AFMID: variants seen among roughly 807,000 people sequenced by gnomAD.
AFMID encodes the protein kynurenine formamidase.
AFMID carries 39 observed loss-of-function variants against 47.5 expected under a neutral mutation model. The ratio of observed to expected loss-of-function variants is 0.82; its 90% CI spans 0.64 to 1.07. The LOEUF is 1.07. Among genes scored for constraint, AFMID ranks in the 50% least tolerant of loss-of-function variants. The pLI is 0.00. For synonymous variants in AFMID, 130 were observed against 153.2 expected (o/e 0.85, Z 1.12); for missense variants, 375 against 387.5 (o/e 0.97, Z 0.27).
chr17:78,202,102 G>A (rs1053910523), intron 2 of AFMID, among the ~76,000 whole-genome samples: 3 of 151,732 alleles, frequency 2.0e-5, no homozygotes, highest in Admixed American at 6.6e-5. Flanking sequence ...CTTTCAGCTG[G>A]AATGTTTCTA....
intron 2 of AFMID, among the ~76,000 whole-genome samples, chr17:78,198,457 A>T (rs1202088794): frequency 6.6e-6 from 1 of 151,578 alleles, no homozygotes; most frequent in Non-Finnish European, 1.5e-5. Context: ...AAAAAAAAAA[A>T]ATTAGCCATG....
chr17:78,206,234 G>A (rs2076377112), intron 10 of AFMID, among the ~76,000 whole-genome samples, 184 bp downstream of exon 10: 1 of 151,530 alleles, frequency 6.6e-6, no homozygotes. Context: ...AGCTACTCAG[G>A]AGGCTGAGGC....
rs72897838 is a variant in AFMID, at chr17:78,202,506, A to G, written c.162A>G (p.Thr54=). 0.086 allele frequency: 139,158 copies of G among 1,613,842 alleles called. 6,568 individuals carry two copies. Among genetic ancestry groups the G allele is most frequent in the Non-Finnish European group, 0.094 (110,785 of 1,179,828 alleles). ...TYSQIGIEAT[T]RARATRKSLL... is the part of the protein sequence containing the mutation. ...TGTCCATTTCTGAGACAGCCACCAC[A>G]AGGGCCCGGGCCACCAGGAAGAGCC... is the stretch of plus-strand genomic sequence containing the variant. The change falls in exon 3 of 11, where the codon ACA becomes ACG. Residue 54 remains threonine (T), a synonymous_variant. Coordinates refer to ENST00000409257, the MANE Select transcript of AFMID (RefSeq NM_001010982.5).
chr17:78,200,364 G>A (rs960699004), intron 2 of AFMID, among the ~76,000 whole-genome samples: 1 of 152,032 alleles, frequency 6.6e-6, no homozygotes, highest in Admixed American at 6.6e-5. Flanking sequence ...CATGTTGGCC[G>A]GGATGGTCTC....
intron 2 of AFMID, among the ~76,000 whole-genome samples, chr17:78,193,850 C>T (rs1442706112): frequency 6.6e-6 from 1 of 151,742 alleles, no homozygotes; most frequent in Non-Finnish European, 1.5e-5. Context: ...GGTGCGGGCA[C>T]CTGTAGTCCC....
chr17:78,192,442 G>A (rs1375011393), intron 2 of AFMID, among the ~76,000 whole-genome samples: 1 of 151,498 alleles, frequency 6.6e-6, no homozygotes, highest in Admixed American at 6.6e-5. Flanking sequence ...AGCCTCCTGA[G>A]TAGCTGGGAT....
At chr17:78,204,571 C>A (rs1257782667) in intron 4 of AFMID, 85 bp from the exon 5 acceptor site, 6 of 1,329,820 alleles carry the variant, frequency 4.5e-6, no homozygotes, top group Non-Finnish European at 1.1e-6. Flanking sequence ...GTGGACAGGA[C>A]ATCTGGCAAG....
chr17:78,192,542 G>A lies in AFMID; in HGVS notation c.154+1482G>A, dbSNP rs991764977. ...TTGGTTAGGCTGGTCTCAAACTCCC[G>A]ACCTCAGGTCATCCACCTGCCTCGG... On this transcript the variant is annotated intron_variant, in intron 2 of 10. Coordinates refer to ENST00000409257, the MANE Select transcript of AFMID (RefSeq NM_001010982.5). The A allele has an allele frequency of 1.3e-4, 57 of 449,730 alleles. 1 individual carries two copies. The highest frequency in any genetic ancestry group is 1.9e-4 in the Admixed American group (8 of 41,030). The allele number at this position is 449,730 out of a possible 1,614,324, so 27.9% of individuals were successfully genotyped here.
At position 78,207,376 on chromosome 17, in the gene AFMID, C is replaced by T. The variant is rs963505729; in HGVS notation, c.*439C>T. 6.9e-5 allele frequency: 11 copies of T among 159,030 alleles called. No individual in the cohort carries two copies. Among genetic ancestry groups the T allele is most frequent in the Non-Finnish European group, 1.2e-4 (9 of 76,144 alleles). The allele number at this position is 159,030 out of a possible 1,614,324, so 9.9% of individuals were successfully genotyped here. A position where few individuals can be genotyped will look rare whatever the true frequency, so the allele number is the denominator to read the frequency against. On this transcript the variant is annotated 3_prime_UTR_variant, in exon 11 of 11. Coordinates refer to ENST00000409257, the MANE Select transcript of AFMID (RefSeq NM_001010982.5). ...TTGGCTCACTGCAACCTCCACCTCC[C>T]GGGTTCAAGCAATTCTCCTGCCTCA...
At chr17:78,206,696 C>T (rs1202767201) in intron 10 of AFMID, among the ~76,000 whole-genome samples, 4 of 151,360 alleles carry the variant, frequency 2.6e-5, no homozygotes, top group African/African-American at 9.7e-5. Flanking sequence ...CCCTACCCCC[C>T]CTTCTTCTTC....
intron 4 of AFMID, among the ~76,000 whole-genome samples, chr17:78,204,270 C>T (rs12601417): frequency 0.045 from 6,838 of 151,838 alleles, 305 homozygotes; most frequent in East Asian, 0.22. Context: ...AGCAAGACCC[C>T]CATCTCTACA....
At chr17:78,188,812 T>C (rs1181659140) in intron 1 of AFMID, among the ~76,000 whole-genome samples, 1 of 152,174 alleles carries the variant, frequency 6.6e-6, no homozygotes, top group Non-Finnish European at 1.5e-5. Context: ...TTAGCCAGGA[T>C]GGTCTCCAAC....
rs2075049910 is a variant in AFMID, at chr17:78,204,592, A to G, written c.309-64A>G. 8 of 1,510,770 alleles carry G rather than the reference A, an allele frequency of 5.3e-6. No homozygotes were observed. In the South Asian group the frequency reaches 7.9e-5, roughly 15 times the overall value. 93.6% of individuals were successfully genotyped at this position (1,510,770 alleles called of 1,614,324 possible). ...AGGACATCTGGCAAGTGGTGTGTCC[A>G]GGACACAGGAAGCAGCGTAGTGGCC... On this transcript the variant is annotated intron_variant, in intron 4 of 10. Coordinates refer to ENST00000409257, the MANE Select transcript of AFMID (RefSeq NM_001010982.5).
At chr17:78,187,512 C>T (rs1468035228) in intron 1 of AFMID, 79 bp downstream of exon 1, 1 of 1,560,716 alleles carries the variant, frequency 6.4e-7, no homozygotes, top group South Asian at 1.1e-5. Context: ...AAGAAGGAAG[C>T]TTAGAAGCCG....
chr17:78,189,720 A>G (rs1181789544), intron 1 of AFMID, among the ~76,000 whole-genome samples: 2 of 150,802 alleles, frequency 1.3e-5, no homozygotes, highest in East Asian at 1.9e-4. Flanking sequence ...GTGTTTCGCC[A>G]TATTGCCCAG....
At chr17:78,198,523 G>A (rs997029388) in intron 2 of AFMID, among the ~76,000 whole-genome samples, 11 of 151,758 alleles carry the variant, frequency 7.2e-5, no homozygotes, top group Middle Eastern at 3.4e-3. Context: ...CAGGAGAATC[G>A]CTTGAACCCA....
intron 2 of AFMID, chr17:78,192,603 C>G (rs766804344): frequency 2.1e-6 from 1 of 470,644 alleles, no homozygotes; most frequent in South Asian, 1.6e-5. Flanking sequence ...TATGAGCCAC[C>G]GTGCCTGGAC....
rs367739388 is a variant in AFMID at position 78,202,827 on chromosome 17, C to T, written c.308+76C>T. The T allele has an allele frequency of 2.8e-5, 42 of 1,508,960 alleles. No individual in the cohort carries two copies. In the African/African-American group the frequency reaches 3.8e-4, roughly 13 times the overall value. The allele number at this position is 1,508,960 out of a possible 1,614,324, so 93.5% of individuals were successfully genotyped here. A position where few individuals can be genotyped will look rare whatever the true frequency, so the allele number is the denominator to read the frequency against. On this transcript the variant is annotated intron_variant, in intron 4 of 10. Transcript: ENST00000409257. ...TGGGGGACTCCTCCTCCAGGGCTGC[C>T]GCAACCAAACTGCCACAAGCTGGGC...
chr17:78,197,278 T>G, intron 2 of AFMID: 1 of 1,425,206 alleles, frequency 7.0e-7, no homozygotes, highest in Non-Finnish European at 9.6e-7. Flanking sequence ...CAGCCGGCAA[T>G]GGCCTCACAG....
Sources: gnomAD v4.1 joint callset for allele counts (sites outside exome capture counted in the v4.1 genomes callset) on GRCh38, gnomAD v4.1.1 for gene constraint, MANE v1.5 for transcripts, NCBI Gene and HGNC (gene_info 2026-07-23, HGNC 2026-07-21) for gene names.